The following IARS1 variants were observed in gnomAD, a reference collection of about 807,000 sequenced individuals.
IARS1 encodes the protein isoleucyl-tRNA synthetase 1.
Under a neutral mutation model 168.2 loss-of-function variants are expected in IARS1, and 124 were observed. That is an observed-to-expected ratio of 0.74 (90% CI 0.64 to 0.86). The LOEUF (loss-of-function observed/expected upper bound fraction) is 0.86. Among genes scored for constraint, IARS1 ranks in the 40% least tolerant of loss-of-function variants. The probability of loss-of-function intolerance (pLI) is 0.00; values close to 1 mark genes in which losing one functional copy is unlikely to be tolerated. For missense variants in IARS1, 1,452 were observed against 1,515.8 expected, an observed-to-expected ratio of 0.96 and a Z score of 0.70; for synonymous variants, 532 against 529.4, an observed-to-expected ratio of 1.00 and a Z score of -0.07.
intron 32 of IARS1, among the ~76,000 whole-genome samples, chr9:92,223,039 T>C (rs957857776): frequency 3.3e-5 from 5 of 152,156 alleles, no homozygotes; most frequent in South Asian, 4.1e-4. Context: ...CATGGAGGTA[T>C]AGAAGTTTTC....
In IARS1 at chr9:92,265,032, T is replaced by C; in HGVS notation, c.1597A>G (p.Met533Val). ...GGGTAATGAACCTGAGCATAGGGCA[T>C]GCTGCCACTCTCAAACCAACAGTCA... ...VFDCWFESGS[M>V]PYAQVHYPFE... is the part of the protein sequence containing the mutation. Residue 533 changes from methionine (M) to valine (V), a missense_variant, in exon 16 of 34, where the codon ATG (methionine) becomes GTG (valine). Physicochemically the swap from Met to Val is conservative, Grantham distance 21. Transcript: ENST00000443024. 1.2e-6 allele frequency: 2 copies of C among 1,614,174 alleles called. No homozygotes were observed. Among genetic ancestry groups the C allele is most frequent in the Non-Finnish European group, 1.7e-6 (2 of 1,180,034 alleles).
At chr9:92,252,458 A>G (rs988647926) in intron 21 of IARS1, 2 of 491,236 alleles carry the variant, frequency 4.1e-6, no homozygotes, top group Non-Finnish European at 8.2e-6. Context: ...GCAGGCTTTT[A>G]TTATTAATGC....
intron 31 of IARS1, among the ~76,000 whole-genome samples, chr9:92,226,807 CTT>C (rs748657152): frequency 6.7e-5 from 9 of 135,316 alleles, no homozygotes; most frequent in Non-Finnish European, 4.8e-5. Context: ...TGGCCACCTT[CTT>C]TTTTTTTTTT....
At position 92,247,561 on chromosome 9, in the gene IARS1, A is replaced by G. The variant is rs373999288; in HGVS notation, c.2617-10T>C. 1.2e-6 allele frequency: 2 copies of G among 1,611,324 alleles called. No homozygotes were observed. The highest frequency in any genetic ancestry group is 2.7e-5 in the African/African-American group (2 of 74,814). Reference sequence around the variant, plus strand: ...TTCGAACATTGAGTTCCTACAGTTAATGCACAAGAGGAAACAAAAATGAGA... The same window carrying G: ...TTCGAACATTGAGTTCCTACAGTTAGTGCACAAGAGGAAACAAAAATGAGA... On this transcript the variant is annotated splice_polypyrimidine_tract_variant and intron_variant, in intron 25 of 33. Transcript: ENST00000443024.
At chr9:92,261,942 G>T (rs1165811258) in intron 17 of IARS1, among the ~76,000 whole-genome samples, 3 of 151,826 alleles carry the variant, frequency 2.0e-5, no homozygotes, top group African/African-American at 7.3e-5. Flanking sequence ...AGAGACGGGG[G>T]TTTTATCAAG....
intron 33 of IARS1, among the ~76,000 whole-genome samples, chr9:92,214,280 G>T (rs542403832): frequency 4.6e-5 from 7 of 152,068 alleles, no homozygotes; most frequent in African/African-American, 1.7e-4. Flanking sequence ...AATGGTCTGG[G>T]TGTGGTGGCT....
At chr9:92,214,353 T>C (rs887978938) in intron 33 of IARS1, among the ~76,000 whole-genome samples, 3 of 151,940 alleles carry the variant, frequency 2.0e-5, no homozygotes, top group African/African-American at 7.3e-5. Flanking sequence ...GTCAGGAGTT[T>C]GAGACCAGCC....
intron 30 of IARS1, among the ~76,000 whole-genome samples, chr9:92,235,035 C>T (rs1355590547): frequency 6.6e-6 from 1 of 152,088 alleles, no homozygotes; most frequent in Non-Finnish European, 1.5e-5. Context: ...CAGGGTTTCA[C>T]CATGTTGGCC....
chr9:92,269,712 T>C (rs1463253030), intron 13 of IARS1, among the ~76,000 whole-genome samples, 173 bp downstream of exon 13: 1 of 152,236 alleles, frequency 6.6e-6, no homozygotes, highest in Admixed American at 6.5e-5. Flanking sequence ...GTTACTTCTG[T>C]TCTGTAACAT....
chr9:92,272,168 G>A (rs1440919425), intron 10 of IARS1, among the ~76,000 whole-genome samples: 2 of 152,220 alleles, frequency 1.3e-5, no homozygotes, highest in Non-Finnish European at 2.9e-5. Context: ...TGGCTCCAGA[G>A]TCTATAGTCT....
At chr9:92,272,864 CAAA>C (rs869076663) in intron 10 of IARS1, among the ~76,000 whole-genome samples, 78 of 57,064 alleles carry the variant, frequency 1.4e-3, no homozygotes, top group African/African-American at 6.3e-3. Flanking sequence ...CAAAACAAAA[CAAA>C]AAAAAAAAAA....
At chr9:92,274,602 AC>A in intron 9 of IARS1, 81 bp from the exon 10 acceptor site, 1 of 954,202 alleles carries the variant, frequency 1.0e-6, no homozygotes, top group East Asian at 2.4e-5. Flanking sequence ...TTTCCTAAGA[AC>A]CTGAAAATGC....
intron 1 of IARS1, among the ~76,000 whole-genome samples, chr9:92,291,282 G>A (rs1381502705): frequency 6.6e-6 from 1 of 152,080 alleles, no homozygotes; most frequent in Non-Finnish European, 1.5e-5. Context: ...AAAATCTTAA[G>A]TACTCAAGAA....
chr9:92,239,711 T>C (rs1828078146), intron 30 of IARS1, among the ~76,000 whole-genome samples: 1 of 152,118 alleles, frequency 6.6e-6, no homozygotes. Flanking sequence ...GAGGGGCTCA[T>C]TACTGCCCCC....
At chr9:92,251,229 G>A (rs1829971570) in intron 22 of IARS1, 1 of 459,298 alleles carries the variant, frequency 2.2e-6, no homozygotes, top group East Asian at 6.9e-5. Context: ...ACCAGGCACA[G>A]CACCTTGTAC....
intron 30 of IARS1, chr9:92,240,477 C>G (rs1273444358): frequency 1.8e-6 from 1 of 568,968 alleles, no homozygotes; most frequent in Non-Finnish European, 3.2e-6. Context: ...TTTATCAGGT[C>G]TTGAACTCCT....
chr9:92,228,903 A>C, intron 31 of IARS1, 98 bp downstream of exon 31: 1 of 1,451,802 alleles, frequency 6.9e-7, no homozygotes, highest in Non-Finnish European at 9.4e-7. Flanking sequence ...AGAGTTAGGA[A>C]AAATGCAAAA....
At chr9:92,241,583 C>G (rs1330487689) in intron 29 of IARS1, among the ~76,000 whole-genome samples, 1 of 152,162 alleles carries the variant, frequency 6.6e-6, no homozygotes, top group African/African-American at 2.4e-5. Flanking sequence ...CTCAAGCGAT[C>G]TGCTCGCCTT....
intron 31 of IARS1, among the ~76,000 whole-genome samples, chr9:92,225,690 G>A (rs1587714949): frequency 1.3e-5 from 2 of 151,960 alleles, no homozygotes; most frequent in East Asian, 3.9e-4. Flanking sequence ...TTCATCCTGT[G>A]TCAATGCAGC....
Sources: gnomAD v4.1 joint callset for allele counts (sites outside exome capture counted in the v4.1 genomes callset) on GRCh38, gnomAD v4.1.1 for gene constraint, MANE v1.5 for transcripts, NCBI Gene and HGNC (gene_info 2026-07-23, HGNC 2026-07-21) for gene names.